The following MEI4 variants were observed in gnomAD, a reference collection of about 807,000 sequenced individuals.
The protein encoded by MEI4 is meiosis-specific protein MEI4.
Under a neutral mutation model 31.4 loss-of-function variants are expected in MEI4, and 27 were observed. The observed-to-expected ratio is 0.86, with a 90% CI of 0.63 to 1.19. MEI4 has a LOEUF of 1.19. MEI4 is among the 50% of genes most tolerant of loss of function. The probability of loss-of-function intolerance (pLI) is 0.00; values close to 1 mark genes in which losing one functional copy is unlikely to be tolerated. For missense variants in MEI4, 329 were observed against 398.9 expected, an observed-to-expected ratio of 0.82 and a Z score of 1.49; for synonymous variants, 122 against 145.4, an observed-to-expected ratio of 0.84 and a Z score of 1.16.
At chr6:77,877,204 A>G (rs561027581) in intron 4 of MEI4, among the ~76,000 whole-genome samples, 59 of 152,188 alleles carry the variant, frequency 3.9e-4, no homozygotes, top group Middle Eastern at 6.8e-3. Context: ...ATCACAATTC[A>G]TTCTTACTAT....
rs139319695 is a variant in MEI4, at chr6:77,787,454, G to C, written c.768+25789G>C. Reference sequence around the variant, plus strand: ...GGGTGGTAGCCATCCCAACAGCCTTGGACCTCACTGCAGATCTAGCAACAG... The same window carrying C: ...GGGTGGTAGCCATCCCAACAGCCTTCGACCTCACTGCAGATCTAGCAACAG... On this transcript the variant is annotated intron_variant, in intron 3 of 4. Coordinates refer to ENST00000684080, the MANE Select transcript of MEI4 (RefSeq NM_001322247.2). Among the ~76,000 whole-genome samples, 1,059 of 152,230 alleles carry C rather than the reference G, an allele frequency of 7.0e-3. 13 individuals are homozygous for C. Among genetic ancestry groups the C allele is most frequent in the African/African-American group, 0.024 (999 of 41,530 alleles).
chr6:77,668,056 A>G (rs1164256844), intron 1 of MEI4, among the ~76,000 whole-genome samples: 1 of 151,300 alleles, frequency 6.6e-6, no homozygotes, highest in East Asian at 2.0e-4. Context: ...CTTGGGTGAA[A>G]TTAAGAAAAA....
intron 4 of MEI4, among the ~76,000 whole-genome samples, chr6:77,875,584 C>T (rs1159159577): frequency 6.6e-6 from 1 of 152,148 alleles, no homozygotes; most frequent in East Asian, 1.9e-4. Flanking sequence ...GATTTGTCAG[C>T]ATTCAAAAAA....
chr6:77,914,451 G>A (rs539560500), intron 4 of MEI4, among the ~76,000 whole-genome samples: 2 of 151,722 alleles, frequency 1.3e-5, no homozygotes, highest in South Asian at 4.1e-4. Flanking sequence ...TGTGGTCACA[G>A]AAGATACTTA....
At chr6:77,881,273 AG>A (rs1337006366) in intron 4 of MEI4, among the ~76,000 whole-genome samples, 15 of 152,122 alleles carry the variant, frequency 9.9e-5, no homozygotes, top group African/African-American at 3.4e-4. Flanking sequence ...ATCCAACAAG[AG>A]AATTATACTA....
At chr6:77,746,281 T>C (rs1767600153) in intron 2 of MEI4, among the ~76,000 whole-genome samples, 1 of 151,994 alleles carries the variant, frequency 6.6e-6, no homozygotes, top group Non-Finnish European at 1.5e-5. Flanking sequence ...CTGTGTGTCT[T>C]TAAATGTGTT....
At chr6:77,713,527 A>T (rs996564179) in intron 2 of MEI4, among the ~76,000 whole-genome samples, 1 of 152,214 alleles carries the variant, frequency 6.6e-6, no homozygotes, top group Non-Finnish European at 1.5e-5. Context: ...GTGAAATTGA[A>T]TGATGGGCAT....
chr6:77,921,630 G>A (rs1562040552), intron 4 of MEI4, among the ~76,000 whole-genome samples: 1 of 151,818 alleles, frequency 6.6e-6, no homozygotes, highest in Admixed American at 6.6e-5. Flanking sequence ...TAAGCTTAAT[G>A]ATTTCTAGCT....
At position 77,862,135 on chromosome 6, in the gene MEI4, C is replaced by T. The variant is rs899471685; in HGVS notation, c.900+33073C>T. 6.6e-5 allele frequency among the ~76,000 whole-genome samples: 10 copies of T among 151,906 alleles called. No individual in the cohort carries two copies. In the South Asian group the frequency reaches 8.3e-4, roughly 13 times the overall value. ...AACAGCTCCAGTCTACAGCTCCCAA[C>T]GTGAGTGACGAAGAAGACAGGTGAT... On this transcript the variant is annotated intron_variant, in intron 4 of 4. Coordinates refer to ENST00000684080, the MANE Select transcript of MEI4 (RefSeq NM_001322247.2).
rs1289206761 is a variant in MEI4, at chr6:77,828,935, A to G, written c.773A>G (p.Gln258Arg). ...ILGNNHINQFQVQHYVSQSLV... is the reference protein window; with the variant it reads ...ILGNNHINQFRVQHYVSQSLV... Reference sequence around the variant, plus strand: ...CCTACTCATTTTTATCTTTAGTTTCAGGTGCAGCATTATGTCTCTCAGAGT... The same window carrying G: ...CCTACTCATTTTTATCTTTAGTTTCGGGTGCAGCATTATGTCTCTCAGAGT... Residue 258 changes from glutamine to arginine, a missense_variant, in exon 4 of 5, where the codon CAG becomes CGG. Gln to Arg is a conservative substitution (Grantham distance 43, BLOSUM62 1). Coordinates refer to ENST00000684080, the MANE Select transcript of MEI4 (RefSeq NM_001322247.2). 1.6e-6 allele frequency: 2 copies of G among 1,232,172 alleles called. No homozygotes were observed. The highest frequency in any genetic ancestry group is 2.0e-6 in the Non-Finnish European group (2 of 987,912). 76.3% of individuals were successfully genotyped at this position (1,232,172 alleles called of 1,614,324 possible).
At chr6:77,670,534 A>T (rs1348968215) in intron 1 of MEI4, among the ~76,000 whole-genome samples, 3 of 152,128 alleles carry the variant, frequency 2.0e-5, no homozygotes, top group Admixed American at 2.0e-4. Context: ...TGGCAATCCT[A>T]ATACACAGGA....
At chr6:77,743,176 A>T (rs1257369435) in intron 2 of MEI4, among the ~76,000 whole-genome samples, 1 of 152,186 alleles carries the variant, frequency 6.6e-6, no homozygotes, top group Non-Finnish European at 1.5e-5. Flanking sequence ...TGGTAGATTG[A>T]TGGGGATAGC....
At chr6:77,890,502 G>A (rs892437388) in intron 4 of MEI4, among the ~76,000 whole-genome samples, 1 of 152,142 alleles carries the variant, frequency 6.6e-6, no homozygotes, top group Non-Finnish European at 1.5e-5. Context: ...ACTTACTTTT[G>A]ATTTTACAGG....
At chr6:77,842,439 C>T (rs147649625) in intron 4 of MEI4, among the ~76,000 whole-genome samples, 1 of 150,868 alleles carries the variant, frequency 6.6e-6, no homozygotes, top group Non-Finnish European at 1.5e-5. Flanking sequence ...TTATGCTTGT[C>T]ATTGAAGGGA....
intron 4 of MEI4, among the ~76,000 whole-genome samples, chr6:77,857,322 T>C (rs1366925312): frequency 1.3e-5 from 2 of 152,148 alleles, no homozygotes; most frequent in Non-Finnish European, 2.9e-5. Flanking sequence ...GTTGAAGCAG[T>C]GGGAAGGTTT....
intron 1 of MEI4, among the ~76,000 whole-genome samples, chr6:77,666,880 T>TGC (rs146541507): frequency 0.35 from 51,248 of 146,946 alleles, 9,079 homozygotes; most frequent in East Asian, 0.56. Context: ...TGTGTGTGTG[T>TGC]GTGCGTGCGT....
At chr6:77,745,870 A>G (rs1428877806) in intron 2 of MEI4, among the ~76,000 whole-genome samples, 1 of 152,220 alleles carries the variant, frequency 6.6e-6, no homozygotes, top group Non-Finnish European at 1.5e-5. Flanking sequence ...CTGAATGACT[A>G]CTGGGTACAT....
At position 77,721,897 on chromosome 6, in the gene MEI4, G is replaced by A. The variant is rs1222271675; in HGVS notation, c.232+30994G>A. Among the ~76,000 whole-genome samples the A allele has an allele frequency of 4.9e-5, 6 of 122,588 alleles. 1 individual carries two copies. Among genetic ancestry groups the A allele is most frequent in the Non-Finnish European group, 7.0e-5 (4 of 57,530 alleles). 80.4% of individuals were successfully genotyped at this position (122,588 alleles called of 152,430 possible). A position where few individuals can be genotyped will look rare whatever the true frequency, so the allele number is the denominator to read the frequency against. ...AATTAATTTATCTTTCGTTTCTGCA[G>A]CACATAAAATATCATCAATATAATG... is the stretch of plus-strand genomic sequence containing the variant. On this transcript the variant is annotated intron_variant, in intron 2 of 4. Coordinates refer to ENST00000684080, the MANE Select transcript of MEI4 (RefSeq NM_001322247.2).
chr6:77,807,960 A>G (rs540576158), intron 3 of MEI4, among the ~76,000 whole-genome samples: 24 of 152,286 alleles, frequency 1.6e-4, no homozygotes, highest in African/African-American at 5.8e-4. Flanking sequence ...AATCAATACC[A>G]AGGCTGTGAA....
Sources: allele counts gnomAD v4.1 joint callset (sites outside exome capture counted in the v4.1 genomes callset), GRCh38; gene constraint gnomAD v4.1.1; transcripts MANE v1.5; gene names NCBI Gene and HGNC (gene_info 2026-07-23, HGNC 2026-07-21).